PCDH1: variants seen among roughly 807,000 people sequenced by gnomAD.
PCDH1 encodes the protein protocadherin 1.
Under a neutral mutation model 74.6 loss-of-function variants are expected in PCDH1, and 23 were observed. The observed-to-expected ratio is 0.31, with a 90% confidence interval of 0.22 to 0.44. PCDH1 has a LOEUF of 0.44. Ranked by LOEUF, PCDH1 falls within the 20% of genes least tolerant of loss-of-function variation. The pLI is 1.00. For synonymous variants in PCDH1, 647 were observed against 686.1 expected (o/e 0.94, Z 0.89); for missense variants, 1,214 against 1,641.4 (o/e 0.74, Z 4.50).
At chr5:141,871,435 C>T (rs531266012) in intron 1 of PCDH1, among the ~76,000 whole-genome samples, 2 of 152,276 alleles carry the variant, frequency 1.3e-5, no homozygotes, top group South Asian at 2.1e-4. Flanking sequence ...TGGAGAAGAG[C>T]GAGGGTTGTG....
chr5:141,864,623 G>C lies in PCDH1; in HGVS notation c.1708C>G (p.Leu570Val). 1 of 1,613,608 alleles carries C rather than the reference G, an allele frequency of 6.2e-7. No individual in the cohort carries two copies. The highest frequency in any genetic ancestry group is 8.5e-7 in the Non-Finnish European group (1 of 1,180,042). Reference sequence around the variant, plus strand: ...TAGCTCTCCCGCTGTTCCCGATCCAGAGATGTCTTCACCTGGATCTCTCCA... The same window carrying C: ...TAGCTCTCCCGCTGTTCCCGATCCACAGATGTCTTCACCTGGATCTCTCCA... ...ETGEIQVKTSLDREQRESYEL... is the reference protein window; with the variant it reads ...ETGEIQVKTSVDREQRESYEL... Residue 570 changes from leucine (L) to valine (V), a missense_variant, in exon 3 of 5, where the codon CTG becomes GTG. Physicochemically the swap from Leu to Val is conservative, Grantham distance 32. Transcript: ENST00000287008. This position sits in a 1 kb window ranked among gnomAD's most constrained non-coding sequence, Gnocchi z 5.9.
chr5:141,860,399 C>A (rs1752517674), intron 3 of PCDH1, among the ~76,000 whole-genome samples: 2 of 151,130 alleles, frequency 1.3e-5, no homozygotes, highest in Non-Finnish European at 2.9e-5. Context: ...GTAGTCCCAG[C>A]TACACAGGAG....
intron 3 of PCDH1, among the ~76,000 whole-genome samples, chr5:141,860,533 A>G (rs1215096280): frequency 1.3e-5 from 2 of 151,726 alleles, no homozygotes; most frequent in African/African-American, 4.8e-5. Flanking sequence ...ACGAAGTCTA[A>G]CAGGTTCCCC....
chr5:141,869,610 G>A lies in PCDH1; in HGVS notation c.41-179C>T. 6.5e-7 allele frequency: 1 copy of A among 1,534,716 alleles called. No individual in the cohort carries two copies. Among genetic ancestry groups the A allele is most frequent in the Non-Finnish European group, 8.7e-7 (1 of 1,146,686 alleles). On this transcript the variant is annotated intron_variant, in intron 1 of 4. Transcript: ENST00000287008. The surrounding 1 kb of genome is among the most constrained non-coding windows in gnomAD (Gnocchi z 4.9). ...CTCAGATCCCTGAATCTCATCCACA[G>A]CTGGGTGTAGCAGCAGTGTCTGCCC...
In PCDH1 at chr5:141,875,942, G is replaced by T. The variant is rs111460779; in HGVS notation, c.40+2281C>A. ...CTCCGGCTTGTCATAAAAACTTTCT[G>T]GGCGGCCCCTTCCCTGGCAGCTCCC... On this transcript the variant is annotated intron_variant, in intron 1 of 4. Transcript: ENST00000287008. Among the ~76,000 whole-genome samples, 1,354 of 152,070 alleles carry T rather than the reference G, an allele frequency of 8.9e-3. 26 individuals carry two copies. Among genetic ancestry groups the T allele is most frequent in the African/African-American group, 0.031 (1,296 of 41,472 alleles).
intron 1 of PCDH1, among the ~76,000 whole-genome samples, chr5:141,876,572 A>G (rs947321308): frequency 2.0e-5 from 3 of 152,162 alleles, no homozygotes; most frequent in African/African-American, 7.2e-5. Flanking sequence ...ATAGTAGCCG[A>G]CCACTGTTGG....
rs1341540771 is a variant in PCDH1 at position 141,878,268 on chromosome 5, G to A, written c.-6C>T. ...CCGCCCGCCCCGCTGTCCATGAGCC[G>A]CCGCCGGCCCCGGCCTGGGCTGCGG... On this transcript the variant is annotated 5_prime_UTR_variant, in exon 1 of 5. Coordinates refer to ENST00000287008, the MANE Select transcript of PCDH1 (RefSeq NM_032420.5). The surrounding 1 kb of genome is among the most constrained non-coding windows in gnomAD (Gnocchi z 5.5). 1.5e-6 allele frequency: 2 copies of A among 1,307,386 alleles called. No homozygotes were observed. The highest frequency in any genetic ancestry group is 1.9e-6 in the Non-Finnish European group (2 of 1,032,170). The allele number at this position is 1,307,386 out of a possible 1,614,324, so 81.0% of individuals were successfully genotyped here. A position where few individuals can be genotyped will look rare whatever the true frequency, so the allele number is the denominator to read the frequency against.
chr5:141,854,691 G>A (rs1752260336), intron 4 of PCDH1, among the ~76,000 whole-genome samples: 1 of 152,082 alleles, frequency 6.6e-6, no homozygotes, highest in Non-Finnish European at 1.5e-5. Context: ...TTTGTTTTGA[G>A]ATGGAGTCTT....
At chr5:141,871,407 G>A (rs527294426) in intron 1 of PCDH1, among the ~76,000 whole-genome samples, 3 of 152,206 alleles carry the variant, frequency 2.0e-5, no homozygotes, top group Non-Finnish European at 4.4e-5. Context: ...ACCATTTGGC[G>A]AATGTAAGGC....
At chr5:141,876,861 G>C (rs1220380964) in intron 1 of PCDH1, among the ~76,000 whole-genome samples, 1 of 152,204 alleles carries the variant, frequency 6.6e-6, no homozygotes, top group Non-Finnish European at 1.5e-5. Context: ...GAAGAGGGTC[G>C]CAATCACCGT....
At position 141,878,165 on chromosome 5, in the gene PCDH1, G is replaced by C; in HGVS notation, c.40+58C>G. ...GAGCGCCCCTCCCTCAGCTCCCGCC[G>C]GCCATGACCGCTTCGGGCCCCAAGC... On this transcript the variant is annotated intron_variant, in intron 1 of 4. Transcript: ENST00000287008. The surrounding 1 kb of genome is among the most constrained non-coding windows in gnomAD (Gnocchi z 5.5). 9 of 1,408,344 alleles carry C rather than the reference G, an allele frequency of 6.4e-6. No individual in the cohort carries two copies. The highest frequency in any genetic ancestry group is 1.4e-5 in the South Asian group (1 of 72,272). The allele number at this position is 1,408,344 out of a possible 1,614,324, so 87.2% of individuals were successfully genotyped here. A position where few individuals can be genotyped will look rare whatever the true frequency, so the allele number is the denominator to read the frequency against.
At chr5:141,871,742 C>A (rs565644423) in intron 1 of PCDH1, among the ~76,000 whole-genome samples, 1 of 152,362 alleles carries the variant, frequency 6.6e-6, no homozygotes, top group East Asian at 1.9e-4. Context: ...CTCCTCAGGG[C>A]TTAGCCCTGG....
chr5:141,857,124 C>G (rs2126805081), intron 4 of PCDH1, 128 bp downstream of exon 4: 1 of 730,660 alleles, frequency 1.4e-6, no homozygotes, highest in East Asian at 2.9e-5. Context: ...TACCTGAAAG[C>G]CCTCAGCACG....
chr5:141,864,161 T>C lies in PCDH1; in HGVS notation c.2170A>G (p.Lys724Glu). ...AGACGTGTCTGGGGGGTCAGCAGCT[T>C]GTGAGAGGTGTTAGAAGGGGCAGTG... is the stretch of plus-strand genomic sequence containing the variant. The part of the protein sequence containing the change: ...YITAPSNTSH[K>E]LLTPQTRLGE... Residue 724 changes from lysine to glutamate, a missense_variant, in exon 3 of 5, where the codon AAG becomes GAG. Physicochemically the swap from Lys to Glu is moderately conservative, Grantham distance 56. Transcript: ENST00000287008. The surrounding 1 kb of genome is among the most constrained non-coding windows in gnomAD (Gnocchi z 5.9). 1.2e-6 allele frequency: 2 copies of C among 1,607,928 alleles called. No homozygotes were observed. Among genetic ancestry groups the C allele is most frequent in the Middle Eastern group, 1.7e-4 (1 of 6,038 alleles).
In PCDH1 at chr5:141,864,211, T is replaced by C; in HGVS notation, c.2120A>G (p.Asp707Gly). The C allele has an allele frequency of 6.2e-7, 1 of 1,607,174 alleles. No homozygotes were observed. Among genetic ancestry groups the C allele is most frequent in the Non-Finnish European group, 8.5e-7 (1 of 1,174,524 alleles). The change falls in exon 3 of 5, where the codon GAC becomes GGC. Residue 707 changes from aspartate (D) to glycine (G), a missense_variant. Physicochemically the swap from Asp to Gly is moderately conservative, Grantham distance 94 (BLOSUM62 -1). Transcript: ENST00000287008. The surrounding 1 kb of genome is among the most constrained non-coding windows in gnomAD (Gnocchi z 5.9). ...GATATAGGGTGCGTTGTCATTCTCGTCCAGCACATTGATGGTGACACCAAC... is the reference window on the plus strand; with the variant it reads ...GATATAGGGTGCGTTGTCATTCTCGCCCAGCACATTGATGGTGACACCAAC... ...AYVGVTINVL[D>G]ENDNAPYITA...
rs1447260762 is a variant in PCDH1 at position 141,863,602 on chromosome 5, T to C, written c.2729A>G (p.Lys910Arg). 30 of 1,614,082 alleles carry C rather than the reference T, an allele frequency of 1.9e-5. No homozygotes were observed. The highest frequency in any genetic ancestry group is 2.3e-5 in the Non-Finnish European group (27 of 1,180,026). ...KPSGKASKGNKSKGKKSKSPK... is the reference protein window; with the variant it reads ...KPSGKASKGNRSKGKKSKSPK... ...GGACTTGCTCTTCTTGCCTTTGCTT[T>C]TGTTTCCCTTGGAGGCCTTGCCACT... Residue 910 changes from lysine to arginine, a missense_variant, in exon 3 of 5, where the codon AAA (lysine) becomes AGA (arginine). Transcript: ENST00000287008. The surrounding 1 kb of genome is among the most constrained non-coding windows in gnomAD (Gnocchi z 7.5).
At chr5:141,862,898 C>T (rs1752620726) in intron 3 of PCDH1, 4 of 1,208,382 alleles carry the variant, frequency 3.3e-6, no homozygotes, top group Non-Finnish European at 3.1e-6. Context: ...TACCCATTTC[C>T]CTCCCCACTT....
chr5:141,866,184 G>A (rs775183094), intron 2 of PCDH1: 7 of 985,374 alleles, frequency 7.1e-6, no homozygotes, highest in Admixed American at 6.1e-5. Context: ...GTCAAACCGG[G>A]GAAACCTGTT....
rs140449914 is a variant in PCDH1, at chr5:141,864,879, G to A, written c.1452C>T (p.Pro484=). Residue 484 remains proline, a synonymous_variant, in exon 3 of 5, where the codon CCC becomes CCT. Transcript: ENST00000287008. This position sits in a 1 kb window ranked among gnomAD's most constrained non-coding sequence, Gnocchi z 5.9. The part of the protein sequence containing the change: ...IEIVAVDSGN[P]PLSSTNSLKV... The stretch of plus-strand genomic sequence containing the variant: ...TGAGGGAGTTAGTGCTGGAGAGTGG[G>A]GGGTTGCCAGAGTCCACAGCCACAA... 41 of 1,614,176 alleles carry A rather than the reference G, an allele frequency of 2.5e-5. No individual in the cohort carries two copies. Among genetic ancestry groups the A allele is most frequent in the Non-Finnish European group, 3.3e-5 (39 of 1,180,036 alleles).
Sources: allele counts gnomAD v4.1 joint callset (sites outside exome capture counted in the v4.1 genomes callset), GRCh38; gene constraint gnomAD v4.1.1; non-coding constraint Gnocchi (gnomAD v3.1); transcripts MANE v1.5; gene names NCBI Gene and HGNC (gene_info 2026-07-23, HGNC 2026-07-21).